SYNDIG1: variants seen among roughly 807,000 people sequenced by gnomAD.
SYNDIG1 encodes the protein synapse differentiation inducing 1.
SYNDIG1 carries 9 observed loss-of-function variants against 19.4 expected under a neutral mutation model. The observed-to-expected ratio is 0.46, with a 90% CI of 0.28 to 0.81. SYNDIG1 has a LOEUF of 0.81. Among genes scored for constraint, SYNDIG1 ranks in the 30% least tolerant of loss-of-function variants. SYNDIG1 has a pLI of 0.12. For missense variants in SYNDIG1, 311 were observed against 343.3 expected, an observed-to-expected ratio of 0.91 and a Z score of 0.74; for synonymous variants, 141 against 145.9, an observed-to-expected ratio of 0.97 and a Z score of 0.24.
intron 3 of SYNDIG1, among the ~76,000 whole-genome samples, chr20:24,599,123 A>G (rs1600715663): frequency 6.6e-6 from 1 of 152,202 alleles, no homozygotes; most frequent in East Asian, 1.9e-4. Context: ...AATATGCAGG[A>G]AATTCAAACA....
rs149006729 is a variant in SYNDIG1, at chr20:24,498,772, T to G, written c.-79+29019T>G. Among the ~76,000 whole-genome samples the G allele has an allele frequency of 4.6e-5, 7 of 152,312 alleles. No homozygotes were observed. In the East Asian group the frequency reaches 1.3e-3, roughly 29 times the overall value. On this transcript the variant is annotated intron_variant, in intron 1 of 3. Transcript: ENST00000376862. ...TTCCCTCTTTCGTAAGGTTGACCAGTGTTCCGTGGCATGTACACCACCTTT... is the reference window on the plus strand; with the variant it reads ...TTCCCTCTTTCGTAAGGTTGACCAGGGTTCCGTGGCATGTACACCACCTTT...
chr20:24,554,936 G>A (rs1255501116), intron 2 of SYNDIG1, among the ~76,000 whole-genome samples: 2 of 151,730 alleles, frequency 1.3e-5, no homozygotes, highest in African/African-American at 2.4e-5. Flanking sequence ...TCTGGTCCTG[G>A]ACTCTTTTTG....
chr20:24,552,939 G>A (rs2057735706), intron 2 of SYNDIG1, among the ~76,000 whole-genome samples: 1 of 152,118 alleles, frequency 6.6e-6, no homozygotes, highest in South Asian at 2.1e-4. Context: ...GTGTAAAAGT[G>A]TTCCTATTTC....
At chr20:24,593,210 A>G (rs986225222) in intron 3 of SYNDIG1, among the ~76,000 whole-genome samples, 1 of 152,118 alleles carries the variant, frequency 6.6e-6, no homozygotes, top group African/African-American at 2.4e-5. Context: ...TCCTTCCTCA[A>G]GTCGGCCCCA....
chr20:24,580,455 G>A (rs193143297), intron 2 of SYNDIG1, among the ~76,000 whole-genome samples: 3 of 152,208 alleles, frequency 2.0e-5, no homozygotes, highest in Admixed American at 6.5e-5. Flanking sequence ...CTGTTGCCCC[G>A]GCTGGAGTGC....
intron 3 of SYNDIG1, among the ~76,000 whole-genome samples, chr20:24,609,686 G>A (rs192709913): frequency 2.2e-4 from 34 of 152,314 alleles, no homozygotes; most frequent in Admixed American, 1.6e-3. Flanking sequence ...CTGCACTAGA[G>A]TATAGGAAAC....
intron 3 of SYNDIG1, among the ~76,000 whole-genome samples, chr20:24,633,563 G>A (rs1043699521): frequency 6.6e-6 from 1 of 152,176 alleles, no homozygotes. Context: ...TGATCACCCT[G>A]GAAGAAATGG....
At chr20:24,628,112 G>T (rs1025317881) in intron 3 of SYNDIG1, among the ~76,000 whole-genome samples, 1 of 152,160 alleles carries the variant, frequency 6.6e-6, no homozygotes, top group Non-Finnish European at 1.5e-5. Context: ...AGTACGGCTC[G>T]CTCTCCGGGG....
intron 2 of SYNDIG1, among the ~76,000 whole-genome samples, chr20:24,553,720 G>A (rs2057754782): frequency 6.6e-6 from 1 of 152,194 alleles, no homozygotes; most frequent in Non-Finnish European, 1.5e-5. Context: ...TAGCCTTGTA[G>A]TATAGTTTGA....
At chr20:24,488,275 A>G (rs1331406594) in intron 1 of SYNDIG1, among the ~76,000 whole-genome samples, 1 of 152,224 alleles carries the variant, frequency 6.6e-6, no homozygotes, top group African/African-American at 2.4e-5. Context: ...CCCTGGTAAA[A>G]GGCAAGGCAC....
At chr20:24,616,972 G>A (rs927124118) in intron 3 of SYNDIG1, among the ~76,000 whole-genome samples, 2 of 152,112 alleles carry the variant, frequency 1.3e-5, no homozygotes, top group Non-Finnish European at 2.9e-5. Flanking sequence ...CAGGGTGTGG[G>A]CCAAGGAGGT....
Position 24,654,239 on chromosome 20 carries a change from C to T in SYNDIG1, c.619-11107C>T, listed in dbSNP as rs928006175. 4.6e-5 allele frequency among the ~76,000 whole-genome samples: 7 copies of T among 151,186 alleles called. No homozygotes were observed. The South Asian group carries it at 1.2e-3, about 27-fold the overall frequency. The stretch of plus-strand genomic sequence containing the variant: ...CCAGTGATTTCCTGACACTTGAGAG[C>T]GCCTCTACCATGGAAAAAAAAAAAT... On this transcript the variant is annotated intron_variant, in intron 3 of 3. Transcript: ENST00000376862.
intron 1 of SYNDIG1, among the ~76,000 whole-genome samples, chr20:24,532,604 T>C (rs2057282874): frequency 6.6e-6 from 1 of 152,192 alleles, no homozygotes. Context: ...GGCATGCAAA[T>C]GATATTTCAG....
chr20:24,574,294 A>G (rs140923956), intron 2 of SYNDIG1, among the ~76,000 whole-genome samples: 4,597 of 150,434 alleles, frequency 0.031, 148 homozygotes, highest in African/African-American at 0.087. Flanking sequence ...CCTGGGCAAC[A>G]CAGTGAAACC....
At chr20:24,483,756 G>T (rs950156351) in intron 1 of SYNDIG1, among the ~76,000 whole-genome samples, 2 of 152,206 alleles carry the variant, frequency 1.3e-5, no homozygotes, top group African/African-American at 4.8e-5. Flanking sequence ...CCTTGTGGCA[G>T]ACCCCAGAGA....
At chr20:24,492,211 G>A (rs1232620440) in intron 1 of SYNDIG1, among the ~76,000 whole-genome samples, 5 of 152,126 alleles carry the variant, frequency 3.3e-5, no homozygotes, top group African/African-American at 7.2e-5. Flanking sequence ...CCCACTTTTC[G>A]CTGTTCTGGT....
chr20:24,508,603 C>T (rs1040383604), intron 1 of SYNDIG1, among the ~76,000 whole-genome samples: 1 of 151,980 alleles, frequency 6.6e-6, no homozygotes, highest in Admixed American at 6.6e-5. Flanking sequence ...TTTAAACAAA[C>T]GTTTAAATGA....
chr20:24,496,259 C>T (rs193282164), intron 1 of SYNDIG1, among the ~76,000 whole-genome samples: 3 of 152,278 alleles, frequency 2.0e-5, no homozygotes, highest in African/African-American at 4.8e-5. Context: ...TTGTCCGTTC[C>T]GCCAGCTGTG....
Position 24,515,019 on chromosome 20 carries a change from A to G in SYNDIG1, c.-78-28001A>G, listed in dbSNP as rs190986714. Reference sequence around the variant, plus strand: ...TGGAAACTGAATAACCTGCTCCTGAATGACTACTGGGTACATAACGAAATG... The same window carrying G: ...TGGAAACTGAATAACCTGCTCCTGAGTGACTACTGGGTACATAACGAAATG... On this transcript the variant is annotated intron_variant, in intron 1 of 3. Transcript: ENST00000376862. Among the ~76,000 whole-genome samples the G allele has an allele frequency of 4.8e-3, 732 of 152,356 alleles. 3 individuals are homozygous for G. The highest frequency in any genetic ancestry group is 0.014 in the Middle Eastern group (4 of 294).
Sources: allele counts gnomAD v4.1 joint callset (sites outside exome capture counted in the v4.1 genomes callset), GRCh38; gene constraint gnomAD v4.1.1; transcripts MANE v1.5; gene names NCBI Gene and HGNC (gene_info 2026-07-23, HGNC 2026-07-21).